The following SEC63 variants were observed in gnomAD, a reference collection of about 807,000 sequenced individuals.
SEC63 encodes SEC63 protein translocation regulator.
In SEC63, 56 loss-of-function variants were observed where a neutral mutation model predicts 116.2. The ratio of observed to expected loss-of-function variants is 0.48; its 90% CI spans 0.39 to 0.60. The LOEUF is 0.60. Ranked by LOEUF, SEC63 falls within the 20% of genes least tolerant of loss-of-function variation. The pLI is 0.00. For missense variants in SEC63, 668 were observed against 900.0 expected (o/e 0.74, Z 3.30); for synonymous variants, 273 against 294.6 (o/e 0.93, Z 0.75).
In SEC63 at chr6:107,917,137, G is replaced by A. The variant is rs377275307; in HGVS notation, c.453-3710C>T. ...ATTCTTAAGCCACAAACAACAGCAT[G>A]AGCGATTTGTACCTTAAGGACATGC... On this transcript the variant is annotated intron_variant, in intron 4 of 20. Transcript: ENST00000369002. Among the ~76,000 whole-genome samples, 27 of 152,338 alleles carry A rather than the reference G, an allele frequency of 1.8e-4. No individual in the cohort carries two copies. In the East Asian group the frequency reaches 3.1e-3, roughly 17 times the overall value.
rs1022448187 is a variant in SEC63 at position 107,870,384 on chromosome 6, G to A, written c.*1320C>T. 4 of 152,528 alleles carry A rather than the reference G, an allele frequency of 2.6e-5. No individual in the cohort carries two copies. Among genetic ancestry groups the A allele is most frequent in the Non-Finnish European group, 4.4e-5 (3 of 68,028 alleles). 9.4% of individuals were successfully genotyped at this position (152,528 alleles called of 1,614,324 possible). A position where few individuals can be genotyped will look rare whatever the true frequency, so the allele number is the denominator to read the frequency against. ...GCCGGTAGTATTCTGCACTGAAAGT[G>A]GCAACCTTTTAAAGTAAACAAGGTT... On this transcript the variant is annotated 3_prime_UTR_variant, in exon 21 of 21. Transcript: ENST00000369002.
Position 107,906,765 on chromosome 6 carries a change from A to G in SEC63, c.746T>C (p.Val249Ala). 6.2e-7 allele frequency: 1 copy of G among 1,613,180 alleles called. No homozygotes were observed. Among genetic ancestry groups the G allele is most frequent in the East Asian group, 2.2e-5 (1 of 44,848 alleles). Reference sequence around the variant, plus strand: ...ATCAAATTCAGAAGCTCCAGCCAAAACCATGATAAGACCTAACAAAACAAA... The same window carrying G: ...ATCAAATTCAGAAGCTCCAGCCAAAGCCATGATAAGACCTAACAAAACAAA... Reference protein sequence around the residue: ...RNMDMKRLIMVLAGASEFDPQ... With the variant: ...RNMDMKRLIMALAGASEFDPQ... Residue 249 changes from valine to alanine, a missense_variant, in exon 9 of 21, where the codon GTT (valine) becomes GCT (alanine). By Grantham distance (64) the Val-to-Ala change is moderately conservative. Around this residue, in one of 5 missense-constraint regions of SEC63, gnomAD observed 430 missense variants for 557.5 expected, o/e 0.77. Coordinates refer to ENST00000369002, the MANE Select transcript of SEC63 (RefSeq NM_007214.5).
At chr6:107,937,422 G>A (rs892052422) in intron 1 of SEC63, among the ~76,000 whole-genome samples, 4 of 152,206 alleles carry the variant, frequency 2.6e-5, no homozygotes, top group South Asian at 2.1e-4. Context: ...CACCACGCCC[G>A]GCCACTACAT....
intron 7 of SEC63, 192 bp from the exon 8 acceptor site, chr6:107,909,227 CAT>C: frequency 2.1e-6 from 1 of 484,886 alleles, no homozygotes; most frequent in South Asian, 2.0e-5. Context: ...AAAATGCAAA[CAT>C]TAGCTGGGCA....
chr6:107,910,696 T>C (rs1006434896), intron 7 of SEC63, among the ~76,000 whole-genome samples: 1 of 152,266 alleles, frequency 6.6e-6, no homozygotes, highest in Non-Finnish European at 1.5e-5. Flanking sequence ...ACATATGTCA[T>C]ACATATATAC....
rs754674350 is a variant in SEC63 at position 107,906,772 on chromosome 6, T to G, written c.739A>C (p.Ile247Leu). ...KTRNMDMKRL[I>L]MVLAGASEFD... ...TCAGAAGCTCCAGCCAAAACCATGATAAGACCTAACAAAACAAAAGAAATA... is the reference window on the plus strand; with the variant it reads ...TCAGAAGCTCCAGCCAAAACCATGAGAAGACCTAACAAAACAAAAGAAATA... Residue 247 changes from isoleucine (I) to leucine (L), a missense_variant, in exon 9 of 21, where the codon ATC becomes CTC. Around this residue, in one of 5 missense-constraint regions of SEC63, gnomAD observed 430 missense variants for 557.5 expected, o/e 0.77. Coordinates refer to ENST00000369002, the MANE Select transcript of SEC63 (RefSeq NM_007214.5). 7 of 1,611,532 alleles carry G rather than the reference T, an allele frequency of 4.3e-6. No individual in the cohort carries two copies. The African/African-American group carries it at 9.4e-5, about 22-fold the overall frequency.
In SEC63 at chr6:107,921,032, A is replaced by C. The variant is rs142623927; in HGVS notation, c.452+765T>G. 3.1e-3 allele frequency among the ~76,000 whole-genome samples: 467 copies of C among 152,346 alleles called. 3 individuals carry two copies. The highest frequency in any genetic ancestry group is 0.011 in the African/African-American group (438 of 41,588). Reference sequence around the variant, plus strand: ...AGGAGACCTTAAAAATCCACATCTCAACAAGTACAGTTGTTATTAACTAAG... The same window carrying C: ...AGGAGACCTTAAAAATCCACATCTCCACAAGTACAGTTGTTATTAACTAAG... On this transcript the variant is annotated intron_variant, in intron 4 of 20. Transcript: ENST00000369002.
intron 18 of SEC63, chr6:107,877,203 C>T (rs1786301387): frequency 6.6e-6 from 1 of 152,656 alleles, no homozygotes; most frequent in Admixed American, 6.5e-5. Context: ...TACAGCACAC[C>T]TCAGTTCACT....
At chr6:107,933,915 G>T (rs1039613037) in intron 1 of SEC63, among the ~76,000 whole-genome samples, 9 of 152,366 alleles carry the variant, frequency 5.9e-5, no homozygotes, top group South Asian at 2.1e-4. Context: ...TGGAGACGGG[G>T]TTTCGCTGTG....
chr6:107,949,905 G>A (rs1770545825), intron 1 of SEC63, among the ~76,000 whole-genome samples: 1 of 152,054 alleles, frequency 6.6e-6, no homozygotes, highest in Non-Finnish European at 1.5e-5. Flanking sequence ...CAAAGTGCTG[G>A]GATTACAGGA....
At chr6:107,955,960 C>T (rs780130316) in intron 1 of SEC63, 12 of 412,320 alleles carry the variant, frequency 2.9e-5, no homozygotes, top group South Asian at 1.6e-4. Context: ...TAATACGAAA[C>T]TCACCATGAA....
At position 107,901,523 on chromosome 6, in the gene SEC63, TA is replaced by T. The variant is rs370485907; in HGVS notation, c.1210-7del. On this transcript the variant is annotated splice_region_variant and splice_polypyrimidine_tract_variant and intron_variant, in intron 12 of 20. Transcript: ENST00000369002. ...TGGATAGTTTTAATTTTATACTGAATAAAAAAAAAAAAGAAAATACATAATT... is the reference window on the plus strand; with the variant it reads ...TGGATAGTTTTAATTTTATACTGAATAAAAAAAAAAAGAAAATACATAATT... 48,207 of 1,036,672 alleles carry T rather than the reference TA, an allele frequency of 0.047. 45 individuals carry two copies. The highest frequency in any genetic ancestry group is 0.067 in the African/African-American group (3,767 of 56,520). The allele number at this position is 1,036,672 out of a possible 1,614,324, so 64.2% of individuals were successfully genotyped here.
chr6:107,875,699 C>CA (rs1003708066), intron 19 of SEC63, among the ~76,000 whole-genome samples: 11 of 151,036 alleles, frequency 7.3e-5, no homozygotes, highest in African/African-American at 1.5e-4. Context: ...GACCCTGTCT[C>CA]AAAAAAAAGA....
intron 1 of SEC63, among the ~76,000 whole-genome samples, chr6:107,947,488 G>C (rs1770500891): frequency 6.6e-6 from 1 of 151,602 alleles, no homozygotes; most frequent in African/African-American, 2.4e-5. Flanking sequence ...CAGAAGGATG[G>C]CTCAGCCCAG....
intron 2 of SEC63, among the ~76,000 whole-genome samples, chr6:107,925,725 C>A (rs1295898197): frequency 6.6e-6 from 1 of 152,170 alleles, no homozygotes; most frequent in East Asian, 1.9e-4. Context: ...GAAATACATA[C>A]CGTTTTTCTA....
At chr6:107,875,533 CA>C (rs1318184594) in intron 19 of SEC63, among the ~76,000 whole-genome samples, 2 of 151,896 alleles carry the variant, frequency 1.3e-5, no homozygotes, top group African/African-American at 4.8e-5. Context: ...CCTGTCTCTA[CA>C]AAAAATACAA....
chr6:107,947,835 C>T (rs964470271), intron 1 of SEC63, among the ~76,000 whole-genome samples: 4 of 152,094 alleles, frequency 2.6e-5, no homozygotes, highest in Non-Finnish European at 4.4e-5. Flanking sequence ...TCTAGTTTCC[C>T]ACCCAGCCAT....
At chr6:107,940,600 C>G (rs1424574678) in intron 1 of SEC63, among the ~76,000 whole-genome samples, 2 of 151,786 alleles carry the variant, frequency 1.3e-5, no homozygotes, top group Admixed American at 1.3e-4. Context: ...CAAAATTGCC[C>G]CTGATTTAAA....
chr6:107,921,771 A>G (rs1427651867), intron 4 of SEC63, 26 bp downstream of exon 4: 15 of 1,442,520 alleles, frequency 1.0e-5, no homozygotes, highest in Non-Finnish European at 1.5e-5. Flanking sequence ...CATTCTTAAA[A>G]ATTTGTAATG....
Sources: allele counts gnomAD v4.1 joint callset (sites outside exome capture counted in the v4.1 genomes callset), GRCh38; gene constraint gnomAD v4.1.1; regional missense constraint gnomAD v4.1.1; transcripts MANE v1.5; gene names NCBI Gene and HGNC (gene_info 2026-07-23, HGNC 2026-07-21).